Variants in ANO10 observed in about 807,000 individuals in gnomAD.
The protein encoded by ANO10 is anoctamin-10.
A neutral mutation model predicts 74.7 loss-of-function variants in ANO10; 77 were observed. The observed-to-expected ratio is 1.03, with a 90% confidence interval of 0.86 to 1.25. ANO10 has a LOEUF of 1.25. ANO10 is among the 50% of genes most tolerant of loss of function. The pLI is 0.00. For synonymous variants in ANO10, 279 were observed against 284.9 expected (o/e 0.98, Z 0.21); for missense variants, 721 against 778.1 (o/e 0.93, Z 0.87).
chr3:43,438,349 C>T (rs564800385), intron 11 of ANO10, among the ~76,000 whole-genome samples: 2 of 152,034 alleles, frequency 1.3e-5, no homozygotes, highest in South Asian at 2.1e-4. Context: ...GAGACTGAGG[C>T]TGTAGGATTG....
intron 1 of ANO10, among the ~76,000 whole-genome samples, chr3:43,682,078 C>T (rs193207152): frequency 6.6e-6 from 1 of 152,044 alleles, no homozygotes; most frequent in Non-Finnish European, 1.5e-5. Context: ...ATAACTATGA[C>T]CAGAGCCGAA....
At chr3:43,614,588 C>A (rs190746042) in intron 1 of ANO10, among the ~76,000 whole-genome samples, 3 of 151,494 alleles carry the variant, frequency 2.0e-5, no homozygotes, top group Admixed American at 2.0e-4. Context: ...TGGAAAGAAC[C>A]CAGTTTGGGG....
chr3:43,473,672 C>T (rs997990520), intron 11 of ANO10, among the ~76,000 whole-genome samples: 9 of 152,190 alleles, frequency 5.9e-5, no homozygotes, highest in Non-Finnish European at 1.0e-4. Context: ...TCAACCTCAG[C>T]GTTTCTCAAC....
chr3:43,441,200 A>G (rs1447064504), intron 11 of ANO10, among the ~76,000 whole-genome samples: 2 of 140,166 alleles, frequency 1.4e-5, no homozygotes, highest in Admixed American at 1.5e-4. Flanking sequence ...ACAAAAATAA[A>G]CAGACTAGAA....
chr3:43,372,760 A>G (rs1223408759), intron 12 of ANO10: 2 of 1,288,400 alleles, frequency 1.6e-6, no homozygotes, highest in Admixed American at 4.0e-5. Context: ...CAGGGCCATG[A>G]CTAGACCCCA....
At chr3:43,389,929 A>T (rs1347299220) in intron 12 of ANO10, among the ~76,000 whole-genome samples, 1 of 152,130 alleles carries the variant, frequency 6.6e-6, no homozygotes, top group Non-Finnish European at 1.5e-5. Context: ...AACAAAACAA[A>T]ACAGCGGGTT....
At chr3:43,531,938 C>CA (rs1179815441) in intron 11 of ANO10, among the ~76,000 whole-genome samples, 1 of 151,834 alleles carries the variant, frequency 6.6e-6, no homozygotes, top group Non-Finnish European at 1.5e-5. Context: ...ATGAAAGAGC[C>CA]AAGAGCATTG....
chr3:43,408,713 A>G (rs1282986102), intron 12 of ANO10, among the ~76,000 whole-genome samples: 1 of 152,174 alleles, frequency 6.6e-6, no homozygotes, highest in Non-Finnish European at 1.5e-5. Context: ...TGGTGATTCG[A>G]GGATAGAACA....
At chr3:43,613,197 T>A (rs541960194) in intron 1 of ANO10, among the ~76,000 whole-genome samples, 1 of 151,736 alleles carries the variant, frequency 6.6e-6, no homozygotes, top group East Asian at 1.9e-4. Context: ...CAAGTTATAC[T>A]CCAAATGTAT....
chr3:43,690,913 G>A, intron 1 of ANO10: 3 of 1,466,458 alleles, frequency 2.0e-6, no homozygotes, highest in Non-Finnish European at 2.7e-6. Flanking sequence ...GCCGCCTTAA[G>A]TGCCGCGCCA....
chr3:43,600,614 C>T, intron 2 of ANO10, 33 bp from the exon 3 acceptor site: 1 of 1,549,232 alleles, frequency 6.5e-7, no homozygotes, highest in Non-Finnish European at 8.9e-7. Context: ...CAATCTTAGA[C>T]AAACATAAAA....
At position 43,577,173 on chromosome 3, in the gene ANO10, G is replaced by A; in HGVS notation, c.681C>T (p.Val227=). The A allele has an allele frequency of 6.2e-7, 1 of 1,614,144 alleles. No individual in the cohort carries two copies. The highest frequency in any genetic ancestry group is 1.1e-5 in the South Asian group (1 of 91,086). ...CAAACAAGTAGTAAGGTAACCCAAT[G>A]ACAGCCATGGGGATTAATGCAAAAG... ...YFTFALIPMA[V]IGLPYYLFVW... is the part of the protein sequence containing the mutation. The change falls in exon 6 of 13, where the codon GTC becomes GTT. Residue 227 remains valine, a synonymous_variant. Transcript: ENST00000292246.
At chr3:43,668,711 T>A (rs573140246) in intron 1 of ANO10, among the ~76,000 whole-genome samples, 81 of 152,250 alleles carry the variant, frequency 5.3e-4, no homozygotes, top group African/African-American at 1.9e-3. Flanking sequence ...TGTTTTTGTA[T>A]GCTTTGTTGA....
chr3:43,623,571 C>T (rs192372725), upstream of ANO10, among the ~76,000 whole-genome samples: 32 of 152,312 alleles, frequency 2.1e-4, 2 homozygotes, highest in East Asian at 5.8e-3. Context: ...CACTTTCTGC[C>T]TCCATACATC....
At chr3:43,466,548 A>G (rs2075637215) in intron 11 of ANO10, among the ~76,000 whole-genome samples, 1 of 152,124 alleles carries the variant, frequency 6.6e-6, no homozygotes, top group African/African-American at 2.4e-5. Flanking sequence ...CGACTAGAGT[A>G]ACAACTGGAT....
chr3:43,660,473 G>A (rs967706432), intron 1 of ANO10, among the ~76,000 whole-genome samples: 3 of 151,926 alleles, frequency 2.0e-5, no homozygotes, highest in Non-Finnish European at 2.9e-5. Flanking sequence ...TAGCCTATTC[G>A]ATCAAGCAGA....
rs570811297 is a variant in ANO10, at chr3:43,549,436, T to G, written c.1797+284A>C. 4.3e-4 allele frequency among the ~76,000 whole-genome samples: 66 copies of G among 152,284 alleles called. No homozygotes were observed. In the South Asian group the frequency reaches 6.8e-3, roughly 16 times the overall value. On this transcript the variant is annotated intron_variant, in intron 11 of 12. Coordinates refer to ENST00000292246, the MANE Select transcript of ANO10 (RefSeq NM_018075.5). Reference sequence around the variant, plus strand: ...GATTACAGACGTGAGCCATGGCACCTGATCCTCAAATAGGATTTACCTACT... The same window carrying G: ...GATTACAGACGTGAGCCATGGCACCGGATCCTCAAATAGGATTTACCTACT...
At chr3:43,496,922 G>A (rs1372072988) in intron 11 of ANO10, among the ~76,000 whole-genome samples, 2 of 152,036 alleles carry the variant, frequency 1.3e-5, no homozygotes, top group Non-Finnish European at 2.9e-5. Context: ...TCCTGATGAT[G>A]CACAGTGATT....
intron 11 of ANO10, among the ~76,000 whole-genome samples, chr3:43,463,859 C>T (rs2075495903): frequency 6.6e-6 from 1 of 152,126 alleles, no homozygotes; most frequent in Non-Finnish European, 1.5e-5. Flanking sequence ...TTGGCTGTGT[C>T]CTTACCCAAA....
Sources: allele counts gnomAD v4.1 joint callset (sites outside exome capture counted in the v4.1 genomes callset), GRCh38; gene constraint gnomAD v4.1.1; transcripts MANE v1.5; gene names NCBI Gene and HGNC (gene_info 2026-07-23, HGNC 2026-07-21).